The following DLGAP2 variants were observed in gnomAD, a reference collection of about 807,000 sequenced individuals.
The protein encoded by DLGAP2 is disks large-associated protein 2.
Under a neutral mutation model 100.3 loss-of-function variants are expected in DLGAP2, and 26 were observed. That is an observed-to-expected ratio of 0.26 (90% CI 0.19 to 0.36). The LOEUF (loss-of-function observed/expected upper bound fraction) is 0.36. Ranked by LOEUF, DLGAP2 falls within the 10% of genes least tolerant of loss-of-function variation. DLGAP2 has a pLI of 1.00. For missense variants in DLGAP2, 1,858 were observed against 1,453.2 expected (o/e 1.28, Z -4.53); for synonymous variants, 886 against 630.1 (o/e 1.41, Z -6.08).
intron 3 of DLGAP2, among the ~76,000 whole-genome samples, chr8:1,483,605 GA>G (rs2130254823): frequency 1.0e-4 from 14 of 135,856 alleles, no homozygotes; most frequent in African/African-American, 4.7e-4. Flanking sequence ...GAGGACAAGG[GA>G]AGGCTGAACT....
chr8:1,457,975 C>CAT (rs57897392), intron 3 of DLGAP2, among the ~76,000 whole-genome samples: 3,044 of 107,364 alleles, frequency 0.028, 60 homozygotes, highest in Non-Finnish European at 0.038. Flanking sequence ...GTTCTCTGAT[C>CAT]ATATATATAT....
At chr8:1,090,562 A>G (rs1419341956) in intron 2 of DLGAP2, among the ~76,000 whole-genome samples, 1 of 152,202 alleles carries the variant, frequency 6.6e-6, no homozygotes, top group African/African-American at 2.4e-5. Context: ...GAGAATCCAC[A>G]GGGGGTTTGT....
chr8:828,415 C>G (rs1328298124), intron 1 of DLGAP2, among the ~76,000 whole-genome samples: 4 of 152,222 alleles, frequency 2.6e-5, no homozygotes, highest in Non-Finnish European at 5.9e-5. Flanking sequence ...CGATATTTCT[C>G]CCATTTGCTT....
intron 3 of DLGAP2, among the ~76,000 whole-genome samples, chr8:1,303,268 G>T (rs1254620116): frequency 1.3e-5 from 2 of 152,212 alleles, no homozygotes; most frequent in African/African-American, 2.4e-5. Flanking sequence ...GTGGTGGCGG[G>T]CGCCTGTAGT....
At chr8:1,640,795 T>G (rs1018805987) in intron 8 of DLGAP2, among the ~76,000 whole-genome samples, 1 of 152,136 alleles carries the variant, frequency 6.6e-6, no homozygotes, top group Non-Finnish European at 1.5e-5. Context: ...AGACTTGTGT[T>G]TTACAGTAAA....
At chr8:1,454,139 G>T (rs1798239627) in intron 3 of DLGAP2, among the ~76,000 whole-genome samples, 1 of 152,196 alleles carries the variant, frequency 6.6e-6, no homozygotes, top group Non-Finnish European at 1.5e-5. Context: ...TTCTGGGCTG[G>T]GGATGGGGTT....
chr8:923,001 C>T (rs1000489723), intron 2 of DLGAP2, among the ~76,000 whole-genome samples: 1 of 152,070 alleles, frequency 6.6e-6, no homozygotes, highest in Non-Finnish European at 1.5e-5. Flanking sequence ...TGCTTGTTAC[C>T]ATGGAGTGCA....
chr8:1,012,553 G>A (rs1405448173), intron 2 of DLGAP2, among the ~76,000 whole-genome samples: 1 of 116,540 alleles, frequency 8.6e-6, no homozygotes, highest in Non-Finnish European at 1.7e-5. Flanking sequence ...CAGCGGCAGT[G>A]TAGACACCGT....
chr8:1,116,280 G>A (rs929023153), intron 2 of DLGAP2, among the ~76,000 whole-genome samples: 1 of 152,192 alleles, frequency 6.6e-6, no homozygotes, highest in African/African-American at 2.4e-5. Context: ...GTGACTAAGG[G>A]TTACCGACCA....
chr8:1,546,608 C>T (rs1379868470), intron 4 of DLGAP2, among the ~76,000 whole-genome samples: 2 of 152,108 alleles, frequency 1.3e-5, no homozygotes, highest in Admixed American at 6.5e-5. Context: ...TTGTTTTTGC[C>T]TTGGTTACCT....
intron 3 of DLGAP2, among the ~76,000 whole-genome samples, chr8:1,440,837 A>G (rs554692710): frequency 6.6e-6 from 1 of 152,264 alleles, no homozygotes; most frequent in South Asian, 2.1e-4. Flanking sequence ...TCCAGCAACC[A>G]CGGAACTCTC....
At chr8:1,115,337 T>G (rs931335936) in intron 2 of DLGAP2, among the ~76,000 whole-genome samples, 2 of 152,214 alleles carry the variant, frequency 1.3e-5, no homozygotes, top group Non-Finnish European at 2.9e-5. Flanking sequence ...TCTTTGAAGG[T>G]CTCTAAGCCC....
intron 1 of DLGAP2, among the ~76,000 whole-genome samples, chr8:741,039 T>C (rs1278488955): frequency 6.6e-6 from 1 of 152,240 alleles, no homozygotes; most frequent in Non-Finnish European, 1.5e-5. Context: ...TAAAAATTAT[T>C]CTTAATCAAC....
In DLGAP2 at chr8:1,032,044, C is replaced by T. The variant is rs1330614686; in HGVS notation, c.73+124078C>T. Among the ~76,000 whole-genome samples, 19 of 152,354 alleles carry T rather than the reference C, an allele frequency of 1.2e-4. No individual in the cohort carries two copies. The South Asian group carries it at 3.9e-3, about 32-fold the overall frequency. ...GATTACTGATGGCGTCAACATCTTCCATCCGGCTTATGATTCAAGGAGCAT... is the reference window on the plus strand; with the variant it reads ...GATTACTGATGGCGTCAACATCTTCTATCCGGCTTATGATTCAAGGAGCAT... On this transcript the variant is annotated intron_variant, in intron 2 of 14. Transcript: ENST00000637795.
chr8:969,218 GCTT>G (rs1799954964), intron 2 of DLGAP2, among the ~76,000 whole-genome samples: 1 of 152,182 alleles, frequency 6.6e-6, no homozygotes, highest in South Asian at 2.1e-4. Flanking sequence ...GAGAATTCCT[GCTT>G]CATGGCCTCC....
intron 2 of DLGAP2, among the ~76,000 whole-genome samples, chr8:1,220,260 C>G (rs61621167): frequency 0.081 from 12,319 of 152,154 alleles, 960 homozygotes; most frequent in African/African-American, 0.2. Context: ...TAGAAACTTT[C>G]CTCTTAACAC....
chr8:1,259,082 TGAA>T (rs1222879993), intron 3 of DLGAP2, among the ~76,000 whole-genome samples, 199 bp downstream of exon 3: 2 of 152,280 alleles, frequency 1.3e-5, no homozygotes, highest in African/African-American at 2.4e-5. Context: ...AGCTCGTCTC[TGAA>T]GAAGAATTGG....
chr8:1,386,016 G>A (rs942649777), intron 3 of DLGAP2, among the ~76,000 whole-genome samples: 1 of 151,260 alleles, frequency 6.6e-6, no homozygotes, highest in Non-Finnish European at 1.5e-5. Flanking sequence ...GAGCTCCTAG[G>A]AATTAAATCT....
intron 2 of DLGAP2, among the ~76,000 whole-genome samples, chr8:963,739 T>G (rs1310589761): frequency 1.3e-5 from 2 of 152,162 alleles, no homozygotes; most frequent in Non-Finnish European, 2.9e-5. Flanking sequence ...ATTTATTAAC[T>G]CAATATTATT....
Sources: allele counts gnomAD v4.1 joint callset (sites outside exome capture counted in the v4.1 genomes callset), GRCh38; gene constraint gnomAD v4.1.1; transcripts MANE v1.5; gene names NCBI Gene and HGNC (gene_info 2026-07-23, HGNC 2026-07-21).